The following STX17 variants were observed in gnomAD, a reference collection of about 807,000 sequenced individuals.
The protein encoded by STX17 is syntaxin 17, also known as syntaxin-17.
STX17 carries 29 observed loss-of-function variants against 35.9 expected under a neutral mutation model. The ratio of observed to expected loss-of-function variants is 0.81; its 90% CI spans 0.60 to 1.10. The LOEUF is 1.10. Ranked by LOEUF, STX17 falls within the 50% of genes least tolerant of loss-of-function variation. STX17 has a pLI of 0.00. For synonymous variants in STX17, 92 were observed against 118.3 expected (o/e 0.78, Z 1.44); for missense variants, 312 against 352.3 (o/e 0.89, Z 0.92).
chr9:99,959,272 A>G (rs1416118278), intron 4 of STX17, among the ~76,000 whole-genome samples: 1 of 152,030 alleles, frequency 6.6e-6, no homozygotes, highest in African/African-American at 2.4e-5. Context: ...GCTTGGTGTC[A>G]TGGCTTACGC....
intron 3 of STX17, among the ~76,000 whole-genome samples, chr9:99,948,826 TTGAC>T (rs1197770204): frequency 3.3e-5 from 5 of 152,144 alleles, no homozygotes; most frequent in East Asian, 3.8e-4. Flanking sequence ...ATACTGTAAT[TTGAC>T]TGGGGACAGA....
rs558548753 is a variant in STX17, at chr9:99,974,081, C to T, written c.*5408C>T. Among the ~76,000 whole-genome samples, 31 of 152,180 alleles carry T rather than the reference C, an allele frequency of 2.0e-4. No homozygotes were observed. The highest frequency in any genetic ancestry group is 1.7e-3 in the Admixed American group (26 of 15,286). On this transcript the variant is annotated 3_prime_UTR_variant, in exon 8 of 8. Transcript: ENST00000259400. ...TGTATCCTGAAGAAAATATTTTTTTCCACCAGAAGAAATTGCTTTCAATTT... is the reference window on the plus strand; with the variant it reads ...TGTATCCTGAAGAAAATATTTTTTTTCACCAGAAGAAATTGCTTTCAATTT...
At chr9:99,939,864 C>G (rs1175217081) in intron 3 of STX17, among the ~76,000 whole-genome samples, 1 of 152,260 alleles carries the variant, frequency 6.6e-6, no homozygotes, top group Non-Finnish European at 1.5e-5. Flanking sequence ...TCTGCATCAT[C>G]TGCCAACACT....
rs911204451 is a variant in STX17, at chr9:99,928,774, A to C, written c.124-4A>C. 1 of 1,612,288 alleles carries C rather than the reference A, an allele frequency of 6.2e-7. No homozygotes were observed. Among genetic ancestry groups the C allele is most frequent in the African/African-American group, 1.3e-5 (1 of 74,934 alleles). On this transcript the variant is annotated splice_polypyrimidine_tract_variant and splice_region_variant and intron_variant, in intron 2 of 7. Coordinates refer to ENST00000259400, the MANE Select transcript of STX17 (RefSeq NM_017919.3). The stretch of plus-strand genomic sequence containing the variant: ...TTAATACCTCCCTTCTTTCTTTTAT[A>C]TAGTATCAAAGGTGCAGAATCTGGG...
chr9:99,967,464 A>AC (rs34436605), intron 6 of STX17, 189 bp from the exon 7 acceptor site: 142,956 of 287,700 alleles, frequency 0.5, 39,319 homozygotes, highest in East Asian at 0.56. Flanking sequence ...AATAATTAAG[A>AC]CCCCCCCCTT....
chr9:99,968,138 G>A (rs2118548927), intron 7 of STX17, among the ~76,000 whole-genome samples: 1 of 152,186 alleles, frequency 6.6e-6, no homozygotes, highest in East Asian at 1.9e-4. Context: ...GAAATCTGTG[G>A]CTGCCGAAAC....
At chr9:99,946,761 T>G (rs1431881342) in intron 3 of STX17, among the ~76,000 whole-genome samples, 2 of 152,178 alleles carry the variant, frequency 1.3e-5, no homozygotes, top group Non-Finnish European at 2.9e-5. Flanking sequence ...TATAGAACTT[T>G]AGGTTGATAG....
Position 99,973,302 on chromosome 9 carries a change from AG to A in STX17, c.*4632del, listed in dbSNP as rs1437638000. Among the ~76,000 whole-genome samples the A allele has an allele frequency of 6.6e-6, 1 of 152,194 alleles. No homozygotes were observed. Among genetic ancestry groups the A allele is most frequent in the African/African-American group, 2.4e-5 (1 of 41,470 alleles). Reference sequence around the variant, plus strand: ...TTAGCACAAGGCTAGGATTATAACCAGGGTCTAGGAAAAAATCCTGAAGGTG... The same window carrying A: ...TTAGCACAAGGCTAGGATTATAACCAGGTCTAGGAAAAAATCCTGAAGGTG... On this transcript the variant is annotated 3_prime_UTR_variant, in exon 8 of 8. Coordinates refer to ENST00000259400, the MANE Select transcript of STX17 (RefSeq NM_017919.3).
chr9:99,923,904 C>T (rs183707373), intron 2 of STX17, among the ~76,000 whole-genome samples: 198 of 152,272 alleles, frequency 1.3e-3, no homozygotes, highest in African/African-American at 4.4e-3. Flanking sequence ...GGGTGCAGAG[C>T]TTCCATGTCC....
intron 2 of STX17, among the ~76,000 whole-genome samples, chr9:99,923,589 C>G (rs1319702814): frequency 6.6e-6 from 1 of 152,064 alleles, no homozygotes; most frequent in Non-Finnish European, 1.5e-5. Flanking sequence ...TTCAACAGAC[C>G]CTAGCTTAGG....
At chr9:99,926,659 G>T (rs776512819) in intron 2 of STX17, among the ~76,000 whole-genome samples, 1 of 151,864 alleles carries the variant, frequency 6.6e-6, no homozygotes, top group African/African-American at 2.4e-5. Context: ...CACCACACCC[G>T]GCTAATTTTT....
chr9:99,967,464 A>T, intron 6 of STX17, 189 bp from the exon 7 acceptor site: 1 of 290,252 alleles, frequency 3.4e-6, no homozygotes, highest in Middle Eastern at 1.0e-3. Flanking sequence ...AATAATTAAG[A>T]CCCCCCCCTT....
chr9:99,928,887 C>G (rs1246119156), intron 3 of STX17, 44 bp downstream of exon 3: 1 of 1,573,116 alleles, frequency 6.4e-7, no homozygotes, highest in Non-Finnish European at 8.7e-7. Context: ...ATGAAAAAGA[C>G]AGTCTTAAGA....
At chr9:99,912,742 A>G (rs1277383663) in intron 1 of STX17, among the ~76,000 whole-genome samples, 1 of 152,234 alleles carries the variant, frequency 6.6e-6, no homozygotes, top group Non-Finnish European at 1.5e-5. Flanking sequence ...AAAATTATTT[A>G]CATGGAAACA....
intron 3 of STX17, among the ~76,000 whole-genome samples, chr9:99,944,092 T>C (rs1829426040): frequency 6.6e-6 from 1 of 152,094 alleles, no homozygotes; most frequent in African/African-American, 2.4e-5. Context: ...TTCTAATTTA[T>C]TGGCATACAT....
intron 2 of STX17, among the ~76,000 whole-genome samples, chr9:99,927,055 C>T (rs952052877): frequency 1.3e-5 from 2 of 152,114 alleles, no homozygotes; most frequent in Non-Finnish European, 2.9e-5. Context: ...GTTGAAGACT[C>T]AAAAGGAAAA....
intron 3 of STX17, among the ~76,000 whole-genome samples, chr9:99,933,664 T>G (rs1222399319): frequency 6.6e-6 from 1 of 152,190 alleles, no homozygotes; most frequent in Non-Finnish European, 1.5e-5. Flanking sequence ...CCATCCCACA[T>G]GGCCTTCTAC....
rs1408648254 is a variant in STX17 at position 99,970,523 on chromosome 9, T to C, written c.*1850T>C. ...GTTTCTGGACCTTGCTCTGTCACTT[T>C]AACACAGGGTGATCAAACCTGAATG... On this transcript the variant is annotated 3_prime_UTR_variant, in exon 8 of 8. Coordinates refer to ENST00000259400, the MANE Select transcript of STX17 (RefSeq NM_017919.3). Among the ~76,000 whole-genome samples the C allele has an allele frequency of 6.6e-6, 1 of 152,178 alleles. No individual in the cohort carries two copies. Among genetic ancestry groups the C allele is most frequent in the African/African-American group, 2.4e-5 (1 of 41,452 alleles).
intron 3 of STX17, among the ~76,000 whole-genome samples, chr9:99,940,379 G>A (rs190444320): frequency 2.6e-5 from 4 of 151,774 alleles, no homozygotes; most frequent in African/African-American, 7.3e-5. Flanking sequence ...TGATCCGCCC[G>A]CGTCGGCCTC....
Sources: gnomAD v4.1 joint callset for allele counts (sites outside exome capture counted in the v4.1 genomes callset) on GRCh38, gnomAD v4.1.1 for gene constraint, MANE v1.5 for transcripts, NCBI Gene and HGNC (gene_info 2026-07-23, HGNC 2026-07-21) for gene names.